HDAC9: variants seen among roughly 807,000 people sequenced by gnomAD.
HDAC9 encodes the protein histone deacetylase 9.
HDAC9 carries 41 observed loss-of-function variants against 139.4 expected under a neutral mutation model. The ratio of observed to expected loss-of-function variants is 0.29; its 90% CI spans 0.23 to 0.38. The LOEUF (loss-of-function observed/expected upper bound fraction) is 0.38. Ranked by LOEUF, HDAC9 falls within the 10% of genes least tolerant of loss-of-function variation. The pLI, the probability that HDAC9 is intolerant of heterozygous loss-of-function variation, is 1.00. For missense variants in HDAC9, 1,147 were observed against 1,297.0 expected (o/e 0.88, Z 1.78); for synonymous variants, 517 against 476.2 (o/e 1.09, Z -1.12).
chr7:18,666,293 G>A lies in HDAC9; in HGVS notation c.1548G>A (p.Gln516=). The A allele has an allele frequency of 1.2e-6, 2 of 1,613,494 alleles. No homozygotes were observed. Among genetic ancestry groups the A allele is most frequent in the East Asian group, 2.2e-5 (1 of 44,786 alleles). Residue 516 remains glutamine, a synonymous_variant, in exon 12 of 26, where the codon CAG becomes CAA. Transcript: ENST00000686413. ...EEAEEELQGD[Q]AMQEDRAPSS... Reference sequence around the variant, plus strand: ...CAGAGGAAGAGCTTCAGGGGGACCAGGCGATGCAGGAAGACAGAGCGCCCT... The same window carrying A: ...CAGAGGAAGAGCTTCAGGGGGACCAAGCGATGCAGGAAGACAGAGCGCCCT...
chr7:18,958,702 G>C (rs780737509), intron 24 of HDAC9, among the ~76,000 whole-genome samples: 6 of 152,100 alleles, frequency 3.9e-5, no homozygotes, highest in Admixed American at 6.6e-5. Context: ...CAGCTAGTCT[G>C]TCAATGTTTG....
intron 22 of HDAC9, among the ~76,000 whole-genome samples, chr7:18,909,746 T>A (rs544500522): frequency 1.2e-4 from 19 of 152,068 alleles, no homozygotes; most frequent in Non-Finnish European, 1.8e-4. Context: ...TTGCTACTTT[T>A]GTCAGAAATC....
At chr7:18,707,909 G>T (rs980614364) in intron 12 of HDAC9, among the ~76,000 whole-genome samples, 4 of 151,844 alleles carry the variant, frequency 2.6e-5, no homozygotes, top group Non-Finnish European at 5.9e-5. Flanking sequence ...GTCTGTATTT[G>T]AGTTGGAAGC....
chr7:18,431,355 A>G (rs1790643996), intron 1 of HDAC9, among the ~76,000 whole-genome samples: 1 of 152,192 alleles, frequency 6.6e-6, no homozygotes, highest in South Asian at 2.1e-4. Flanking sequence ...GATACTTTCA[A>G]GGGTCCCGGC....
chr7:18,345,984 T>C (rs779495504), intron 1 of HDAC9, among the ~76,000 whole-genome samples: 4 of 152,104 alleles, frequency 2.6e-5, no homozygotes, highest in Non-Finnish European at 4.4e-5. Context: ...TAAAGGTAGG[T>C]ATTTTAAGTT....
At chr7:18,689,451 G>T (rs1423399822) in intron 12 of HDAC9, among the ~76,000 whole-genome samples, 1 of 151,906 alleles carries the variant, frequency 6.6e-6, no homozygotes, top group Non-Finnish European at 1.5e-5. Context: ...TGATTTAAAG[G>T]CAAAGAGGAA....
At chr7:18,559,243 G>C (rs959855368) in intron 2 of HDAC9, among the ~76,000 whole-genome samples, 1 of 152,062 alleles carries the variant, frequency 6.6e-6, no homozygotes, top group East Asian at 1.9e-4. Context: ...CAATAGTCTT[G>C]TTCTCCCTCT....
At chr7:18,569,487 C>T (rs1164216708) in intron 2 of HDAC9, among the ~76,000 whole-genome samples, 1 of 152,122 alleles carries the variant, frequency 6.6e-6, no homozygotes, top group Non-Finnish European at 1.5e-5. Flanking sequence ...TTTGATTGTA[C>T]AAAGAGGTAT....
intron 2 of HDAC9, among the ~76,000 whole-genome samples, chr7:18,223,614 C>G (rs1792856878): frequency 6.6e-6 from 1 of 152,024 alleles, no homozygotes; most frequent in South Asian, 2.1e-4. Context: ...AAGAAAATCT[C>G]CTGTATTGTA....
intron 2 of HDAC9, among the ~76,000 whole-genome samples, chr7:18,524,329 A>G (rs1806082652): frequency 6.6e-6 from 1 of 152,182 alleles, no homozygotes; most frequent in African/African-American, 2.4e-5. Flanking sequence ...TTTTAAACTC[A>G]TAATTACTCC....
chr7:18,485,973 G>T (rs548501245), intron 1 of HDAC9, among the ~76,000 whole-genome samples: 2 of 152,208 alleles, frequency 1.3e-5, no homozygotes, highest in South Asian at 2.1e-4. Flanking sequence ...ATAAAGAAAA[G>T]AAATTTATTT....
chr7:18,447,360 T>C (rs969108161), intron 1 of HDAC9, among the ~76,000 whole-genome samples: 2 of 152,182 alleles, frequency 1.3e-5, no homozygotes, highest in African/African-American at 4.8e-5. Flanking sequence ...TATTAACCTT[T>C]TTCATTTACC....
At chr7:18,591,224 T>A (rs1182093619) in intron 4 of HDAC9, among the ~76,000 whole-genome samples, 3 of 152,192 alleles carry the variant, frequency 2.0e-5, no homozygotes, top group African/African-American at 7.2e-5. Context: ...TTAAAAAAGT[T>A]GATTTTGGGA....
At chr7:18,262,756 A>G (rs1422989128) in intron 2 of HDAC9, among the ~76,000 whole-genome samples, 1 of 152,190 alleles carries the variant, frequency 6.6e-6, no homozygotes, top group Non-Finnish European at 1.5e-5. Flanking sequence ...TTTAGAAGCA[A>G]GATTTTATAT....
chr7:18,656,344 C>A (rs1791173728), intron 11 of HDAC9, among the ~76,000 whole-genome samples: 1 of 152,090 alleles, frequency 6.6e-6, no homozygotes, highest in Non-Finnish European at 1.5e-5. Flanking sequence ...TCCACAAAGA[C>A]TTATCTATTA....
chr7:18,503,504 A>G (rs1798943167), intron 2 of HDAC9, among the ~76,000 whole-genome samples: 1 of 152,254 alleles, frequency 6.6e-6, no homozygotes, highest in South Asian at 2.1e-4. Flanking sequence ...AAGAATAAAT[A>G]CTTCTTGTGT....
intron 1 of HDAC9, among the ~76,000 whole-genome samples, chr7:18,452,063 G>A (rs758239950): frequency 1.1e-4 from 16 of 152,106 alleles, no homozygotes; most frequent in African/African-American, 1.7e-4. Flanking sequence ...TCTGAAGTCC[G>A]GAGTCAGCAT....
rs1554381815 is a variant in HDAC9 at position 18,859,856 on chromosome 7, A to ATATATATATATG, written c.2685-14619_2685-14618insATATATATGTAT. 5.1e-5 allele frequency among the ~76,000 whole-genome samples: 6 copies of ATATATATATATG among 117,252 alleles called. 1 individual carries two copies. Among genetic ancestry groups the ATATATATATATG allele is most frequent in the African/African-American group, 1.3e-4 (4 of 30,608 alleles). 76.9% of individuals were successfully genotyped at this position (117,252 alleles called of 152,430 possible). A position where few individuals can be genotyped will look rare whatever the true frequency, so the allele number is the denominator to read the frequency against. On this transcript the variant is annotated intron_variant, in intron 21 of 25. Transcript: ENST00000686413. ...TATATATATATATATATATATATAT[A>ATATATATATATG]TATGTGAGAGAATGAGAGAGAGAGA...
At chr7:18,469,830 C>T (rs1173385531) in intron 1 of HDAC9, among the ~76,000 whole-genome samples, 1 of 152,022 alleles carries the variant, frequency 6.6e-6, no homozygotes, top group African/African-American at 2.4e-5. Context: ...ATTATAGAAA[C>T]AACGAATCAT....
Sources: allele counts gnomAD v4.1 joint callset (sites outside exome capture counted in the v4.1 genomes callset), GRCh38; gene constraint gnomAD v4.1.1; transcripts MANE v1.5; gene names NCBI Gene and HGNC (gene_info 2026-07-23, HGNC 2026-07-21).